The following MYOF variants were observed in gnomAD, a reference collection of about 807,000 sequenced individuals.
The protein encoded by MYOF is myoferlin.
In MYOF, 244 loss-of-function variants were observed where a neutral mutation model predicts 284.2. That is an observed-to-expected ratio of 0.86 (90% confidence interval 0.77 to 0.95). The LOEUF is 0.95. Among genes scored for constraint, MYOF ranks in the 40% least tolerant of loss-of-function variants. The pLI is 0.00. For missense variants in MYOF, 2,496 were observed against 2,560.6 expected, an observed-to-expected ratio of 0.97 and a Z score of 0.54; for synonymous variants, 904 against 919.7, an observed-to-expected ratio of 0.98 and a Z score of 0.31.
At position 93,337,834 on chromosome 10, in the gene MYOF, T is replaced by C; in HGVS notation, c.4418A>G (p.Lys1473Arg). The C allele has an allele frequency of 6.2e-7, 1 of 1,614,004 alleles. No individual in the cohort carries two copies. The highest frequency in any genetic ancestry group is 8.5e-7 in the Non-Finnish European group (1 of 1,179,930). The change falls in exon 40 of 54, where the codon AAA (lysine) becomes AGA (arginine). Residue 1473 changes from lysine to arginine, a missense_variant. Transcript: ENST00000359263. ...AGGTACCTTGAGCTTGGAATAGCCT[T>C]TCTGAATATACTGTCCGCATTTTTC... ...EHEKCGQYIQ[K>R]GYSKLKIYNC...
intron 3 of MYOF, among the ~76,000 whole-genome samples, chr10:93,432,591 T>C (rs916055771): frequency 1.3e-5 from 2 of 152,150 alleles, no homozygotes; most frequent in Non-Finnish European, 2.9e-5. Flanking sequence ...AATAGGTTGC[T>C]AGTTCACTGA....
chr10:93,339,371 G>C (rs1039557395), intron 39 of MYOF, among the ~76,000 whole-genome samples: 5 of 123,440 alleles, frequency 4.1e-5, no homozygotes, highest in African/African-American at 2.7e-4. Flanking sequence ...TCTTATTTGT[G>C]TGTGTGTGTG....
intron 51 of MYOF, 31 bp from the exon 52 acceptor site, chr10:93,310,674 G>C (rs770981271): frequency 1.3e-6 from 2 of 1,582,160 alleles, no homozygotes; most frequent in Non-Finnish European, 1.7e-6. Context: ...TTAAACATAT[G>C]ACATCATGTT....
At chr10:93,440,488 G>C (rs764239883) in intron 3 of MYOF, among the ~76,000 whole-genome samples, 13 of 151,990 alleles carry the variant, frequency 8.6e-5, no homozygotes, top group Non-Finnish European at 1.2e-4. Flanking sequence ...TCACCCTGCT[G>C]TTTTCTCTCC....
chr10:93,325,159 A>G (rs914424190), intron 46 of MYOF, among the ~76,000 whole-genome samples: 8 of 152,190 alleles, frequency 5.3e-5, no homozygotes, highest in African/African-American at 7.2e-5. Flanking sequence ...CCCTAGACCT[A>G]CTGGATCCAA....
chr10:93,431,248 C>T (rs1242130464), intron 4 of MYOF, among the ~76,000 whole-genome samples, 160 bp downstream of exon 4: 2 of 151,980 alleles, frequency 1.3e-5, no homozygotes, highest in Admixed American at 6.6e-5. Context: ...AGGCTGGCCT[C>T]GAACTCCTGA....
At chr10:93,332,695 A>C (rs1197833403) in intron 43 of MYOF, among the ~76,000 whole-genome samples, 1 of 151,932 alleles carries the variant, frequency 6.6e-6, no homozygotes, top group Non-Finnish European at 1.5e-5. Flanking sequence ...AATACAAAAA[A>C]AATTAGCCGG....
At chr10:93,345,769 A>G (rs1174555051) in intron 37 of MYOF, among the ~76,000 whole-genome samples, 2 of 152,236 alleles carry the variant, frequency 1.3e-5, no homozygotes, top group African/African-American at 4.8e-5. Flanking sequence ...AAGTGCCCTC[A>G]ACTCTTAACC....
chr10:93,383,355 C>T (rs1317815522), intron 19 of MYOF, among the ~76,000 whole-genome samples: 1 of 152,138 alleles, frequency 6.6e-6, no homozygotes, highest in African/African-American at 2.4e-5. Flanking sequence ...AGGGTTTTGT[C>T]AAATCCCCTC....
chr10:93,456,879 C>T lies in MYOF; in HGVS notation c.144+3G>A. 6.3e-7 allele frequency: 1 copy of T among 1,599,342 alleles called. No homozygotes were observed. Among genetic ancestry groups the T allele is most frequent in the East Asian group, 2.2e-5 (1 of 44,718 alleles). ...AACAAAGTTGAAAAAACAATGAAGT[C>T]ACCTCATTCCAGACAGGGTTCAATT... On this transcript the variant is annotated splice_donor_region_variant and intron_variant, in intron 2 of 53. Transcript: ENST00000359263.
Position 93,408,691 on chromosome 10 carries a change from T to C in MYOF, c.729+96A>G, listed in dbSNP as rs541148048. The C allele has an allele frequency of 4.9e-4, 745 of 1,524,720 alleles. 1 individual carries two copies. Among genetic ancestry groups the C allele is most frequent in the Non-Finnish European group, 6.2e-4 (696 of 1,115,946 alleles). 94.4% of individuals were successfully genotyped at this position (1,524,720 alleles called of 1,614,324 possible). ...CTAGTTTTGTTCCTGTGATCTCTAC[T>C]TGGAACTCAGTGGTGTCTTCACCAG... On this transcript the variant is annotated intron_variant, in intron 7 of 53. Transcript: ENST00000359263.
chr10:93,328,696 C>A, intron 45 of MYOF, 67 bp downstream of exon 45: 1 of 1,506,010 alleles, frequency 6.6e-7, no homozygotes, highest in Non-Finnish European at 9.1e-7. Context: ...TTCACTCCCC[C>A]AAACCCAGCA....
Position 93,449,193 on chromosome 10 carries a change from G to A in MYOF, c.236+2857C>T, listed in dbSNP as rs1051010797. Among the ~76,000 whole-genome samples, 5 of 152,312 alleles carry A rather than the reference G, an allele frequency of 3.3e-5. No homozygotes were observed. In the East Asian group the frequency reaches 9.6e-4, roughly 29 times the overall value. The stretch of plus-strand genomic sequence containing the variant: ...AAAGCCTGAGTAAGAGAAAGAATGT[G>A]TGCAGAATATCACAGTGATTCAAAC... On this transcript the variant is annotated intron_variant, in intron 3 of 53. Transcript: ENST00000359263.
At chr10:93,341,023 G>T (rs1419406118) in intron 38 of MYOF, among the ~76,000 whole-genome samples, 1 of 152,190 alleles carries the variant, frequency 6.6e-6, no homozygotes, top group Non-Finnish European at 1.5e-5. Flanking sequence ...GTATTTTCCA[G>T]ATTGATTTTT....
rs1846032335 is a variant in MYOF, at chr10:93,379,893, C to T, written c.1971G>A (p.Val657=). The change falls in exon 21 of 54, where the codon GTG becomes GTA. Residue 657 remains valine, a synonymous_variant. Coordinates refer to ENST00000359263, the MANE Select transcript of MYOF (RefSeq NM_013451.4). ...GTTCTGCCATAGCTAGGAGAGTGTT[C>T]ACCGCATCCAGGCGATGACTAATAT... ...WEDISHRLDA[V]NTLLAMAERL... 1 of 1,613,948 alleles carries T rather than the reference C, an allele frequency of 6.2e-7. No homozygotes were observed. Among genetic ancestry groups the T allele is most frequent in the Admixed American group, 1.7e-5 (1 of 60,000 alleles).
chr10:93,310,394 A>G, intron 52 of MYOF, 140 bp downstream of exon 52: 2 of 997,762 alleles, frequency 2.0e-6, no homozygotes, highest in East Asian at 5.2e-5. Flanking sequence ...CAGATCACCA[A>G]CCTCTCCACC....
chr10:93,456,756 C>T (rs752034750), intron 2 of MYOF, 126 bp downstream of exon 2: 33 of 687,204 alleles, frequency 4.8e-5, no homozygotes, highest in Non-Finnish European at 5.4e-5. Context: ...CAAAGGGAAA[C>T]GGAGTGGGTG....
Position 93,378,693 on chromosome 10 carries a change from G to GTGTGTGTGTATATATATATA in MYOF, c.2001+1169_2001+1170insTATATATATATACACACACA. On this transcript the variant is annotated intron_variant, in intron 21 of 53. Coordinates refer to ENST00000359263, the MANE Select transcript of MYOF (RefSeq NM_013451.4). ...TATGTGTGTGTGTATGTGTGTGTGT[G>GTGTGTGTGTATATATATATA]TATATATATATATATATATATATGT... 1.7e-3 allele frequency among the ~76,000 whole-genome samples: 147 copies of GTGTGTGTGTATATATATATA among 87,846 alleles called. 1 individual carries two copies. The highest frequency in any genetic ancestry group is 5.9e-3 in the African/African-American group (123 of 20,776). The allele number at this position is 87,846 out of a possible 152,430, so 57.6% of individuals were successfully genotyped here.
At chr10:93,324,660 A>G (rs1258646108) in intron 46 of MYOF, 1 of 152,268 alleles carries the variant, frequency 6.6e-6, no homozygotes, top group Non-Finnish European at 1.5e-5. Context: ...GAACAAAATA[A>G]AAGCAAGAAG....
Sources: allele counts gnomAD v4.1 joint callset (sites outside exome capture counted in the v4.1 genomes callset), GRCh38; gene constraint gnomAD v4.1.1; transcripts MANE v1.5; gene names NCBI Gene and HGNC (gene_info 2026-07-23, HGNC 2026-07-21).